The following TECR variants were observed in gnomAD, a reference collection of about 807,000 sequenced individuals.
The protein encoded by TECR is very-long-chain enoyl-CoA reductase.
TECR carries 19 observed loss-of-function variants against 50.6 expected under a neutral mutation model. That is an observed-to-expected ratio of 0.38 (90% confidence interval 0.26 to 0.55). TECR has a LOEUF of 0.55. TECR is among the 20% of genes least tolerant of loss of function. The pLI is 0.79. For synonymous variants in TECR, 168 were observed against 163.5 expected (o/e 1.03, Z -0.21); for missense variants, 313 against 408.3 (o/e 0.77, Z 2.01).
chr19:14,543,005 T>C (rs1359205459), intron 1 of TECR, among the ~76,000 whole-genome samples: 1 of 145,076 alleles, frequency 6.9e-6, no homozygotes, highest in Non-Finnish European at 1.5e-5. Context: ...TTTTTTTTTT[T>C]CCATTTGAAA....
At chr19:14,553,753 C>T (rs927549521) in intron 1 of TECR, among the ~76,000 whole-genome samples, 2 of 152,138 alleles carry the variant, frequency 1.3e-5, no homozygotes, top group African/African-American at 2.4e-5. Flanking sequence ...TGGGCATGAT[C>T]GGGCCAGGCC....
chr19:14,549,886 T>C (rs1409180505), intron 1 of TECR, among the ~76,000 whole-genome samples: 1 of 151,528 alleles, frequency 6.6e-6, no homozygotes, highest in Non-Finnish European at 1.5e-5. Flanking sequence ...GAGGTTGCAG[T>C]GAGCCGAGAT....
chr19:14,547,896 G>A (rs2146593745), intron 1 of TECR, among the ~76,000 whole-genome samples: 1 of 148,612 alleles, frequency 6.7e-6, no homozygotes, highest in East Asian at 2.0e-4. Flanking sequence ...CTTGGGTCTT[G>A]GACTCTGGGC....
intron 1 of TECR, among the ~76,000 whole-genome samples, chr19:14,538,185 G>C (rs1392916447): frequency 6.6e-6 from 1 of 152,232 alleles, no homozygotes; most frequent in South Asian, 2.1e-4. Context: ...GTGGCTAGCA[G>C]AGCTGGGATT....
intron 1 of TECR, among the ~76,000 whole-genome samples, chr19:14,545,510 G>T (rs114240054): frequency 6.6e-6 from 1 of 152,130 alleles, no homozygotes; most frequent in Non-Finnish European, 1.5e-5. Flanking sequence ...AGCCTAGGGG[G>T]TGGGGGGGAT....
chr19:14,563,256 C>G lies in TECR; in HGVS notation c.117C>G (p.Thr39=), dbSNP rs145931907. ...AGATCAAGAACCTCTTCACTAAGAC[C>G]CGTGAGTTCTAGTCCCGGCCACACT... ...IAEIKNLFTK[T]HPQWYPARQS... Residue 39 remains threonine (T), a splice_region_variant and synonymous_variant, in exon 3 of 13, where the codon ACC becomes ACG. Transcript: ENST00000215567. The surrounding 1 kb of genome is among the most constrained non-coding windows in gnomAD (Gnocchi z 5.3). 9.9e-6 allele frequency: 16 copies of G among 1,613,324 alleles called. No individual in the cohort carries two copies. The African/African-American group carries it at 1.5e-4, about 15-fold the overall frequency.
At position 14,563,022 on chromosome 19, in the gene TECR, T is replaced by C; in HGVS notation, c.67-184T>C. 1.5e-6 allele frequency: 1 copy of C among 685,018 alleles called. No individual in the cohort carries two copies. Among genetic ancestry groups the C allele is most frequent in the Non-Finnish European group, 2.5e-6 (1 of 405,396 alleles). The allele number at this position is 685,018 out of a possible 1,614,324, so 42.4% of individuals were successfully genotyped here. A position where few individuals can be genotyped will look rare whatever the true frequency, so the allele number is the denominator to read the frequency against. On this transcript the variant is annotated intron_variant, in intron 2 of 12. Coordinates refer to ENST00000215567, the MANE Select transcript of TECR (RefSeq NM_138501.6). The surrounding 1 kb of genome is among the most constrained non-coding windows in gnomAD (Gnocchi z 5.3). ...TAAAAGTGGAGCCCCAGACCCCTGC[T>C]GTCACTGCACTGGCAGGGCCCTCGG... is the stretch of plus-strand genomic sequence containing the variant.
intron 1 of TECR, among the ~76,000 whole-genome samples, chr19:14,535,580 ATATATATATG>A (rs1568396683): frequency 3.7e-4 from 14 of 38,216 alleles, no homozygotes; most frequent in South Asian, 3.1e-3. Flanking sequence ...ATATATATAT[ATATATATATG>A]TATGTATATA....
At chr19:14,552,333 C>G (rs1400227936) in intron 1 of TECR, among the ~76,000 whole-genome samples, 1 of 150,424 alleles carries the variant, frequency 6.6e-6, no homozygotes, top group Non-Finnish European at 1.5e-5. Context: ...CGTGCCCGGC[C>G]TGCCTTTTCC....
chr19:14,541,032 G>A (rs2073079428), intron 1 of TECR, among the ~76,000 whole-genome samples: 2 of 152,078 alleles, frequency 1.3e-5, no homozygotes, highest in Admixed American at 6.6e-5. Flanking sequence ...CACCATGTGG[G>A]CCAGGCTGAT....
chr19:14,565,889 G>A lies in TECR; in HGVS notation c.*18G>A. 1 of 1,572,678 alleles carries A rather than the reference G, an allele frequency of 6.4e-7. No individual in the cohort carries two copies. Among genetic ancestry groups the A allele is most frequent in the Non-Finnish European group, 8.6e-7 (1 of 1,161,578 alleles). The stretch of plus-strand genomic sequence containing the variant: ...TGCTCTGAGCGCTCACCCCTGCTGA[G>A]GCTCAGCCCCTCAACCCGGTGGCAT... On this transcript the variant is annotated 3_prime_UTR_variant, in exon 13 of 13. Coordinates refer to ENST00000215567, the MANE Select transcript of TECR (RefSeq NM_138501.6).
chr19:14,528,913 A>G (rs1019734899), upstream of TECR, among the ~76,000 whole-genome samples: 1 of 152,166 alleles, frequency 6.6e-6, no homozygotes, highest in Non-Finnish European at 1.5e-5. Flanking sequence ...ACTGCACTCC[A>G]GCTGGGGGAC....
At chr19:14,528,345 T>G (rs2072482452), upstream of TECR, among the ~76,000 whole-genome samples, 1 of 151,440 alleles carries the variant, frequency 6.6e-6, no homozygotes, top group African/African-American at 2.4e-5. Context: ...GTTCAAGCAA[T>G]TCTTCTGCCT....
Position 14,565,261 on chromosome 19 carries a change from C to T in TECR, c.724C>T (p.Leu242=). 3 of 1,613,794 alleles carry T rather than the reference C, an allele frequency of 1.9e-6. No individual in the cohort carries two copies. Among genetic ancestry groups the T allele is most frequent in the Non-Finnish European group, 2.5e-6 (3 of 1,179,986 alleles). The part of the protein sequence containing the change: ...TKNPFTWLFL[L]VSCPNYTYEV... ...GAACCCCTTCACGTGGCTCTTCCTG[C>T]TGGTGTCCTGCCCCAACTACACCTA... The change falls in exon 11 of 13, where the codon CTG becomes TTG. Residue 242 remains leucine, a synonymous_variant. Transcript: ENST00000215567.
At chr19:14,543,403 ATATATATATATATATATTTTTTTTTTT>A (rs1248345423) in intron 1 of TECR, among the ~76,000 whole-genome samples, 1 of 9,792 alleles carries the variant, frequency 1.0e-4, no homozygotes, top group Admixed American at 1.1e-3. Flanking sequence ...ATATATATAT[ATATATATATATATATATTTTTTTTTTT>A]TTTTTTTTTT....
At chr19:14,538,527 CT>C (rs1476269303) in intron 1 of TECR, among the ~76,000 whole-genome samples, 2 of 98,056 alleles carry the variant, frequency 2.0e-5, no homozygotes, top group Non-Finnish European at 2.0e-5. Flanking sequence ...CCTCAAAACT[CT>C]TTTTTTTCTT....
At position 14,564,288 on chromosome 19, in the gene TECR, G is replaced by A. The variant is rs1330606109; in HGVS notation, c.489+1G>A. ...TATGCCTTTGCGCAACATCTTCAAG[G>A]TGAGAGCCCGTCCCCGCCTCACCCC... On this transcript the variant is annotated splice_donor_variant, in intron 7 of 12. Coordinates refer to ENST00000215567, the MANE Select transcript of TECR (RefSeq NM_138501.6). LOFTEE classifies it high-confidence loss of function. 1 of 1,601,000 alleles carries A rather than the reference G, an allele frequency of 6.2e-7. No homozygotes were observed. Among genetic ancestry groups the A allele is most frequent in the Non-Finnish European group, 8.5e-7 (1 of 1,178,406 alleles).
chr19:14,557,116 T>TAATTAATTA lies in TECR; in HGVS notation c.16-5408_16-5407insATTAATTAA, dbSNP rs1568422129. On this transcript the variant is annotated intron_variant, in intron 1 of 12. Coordinates refer to ENST00000215567, the MANE Select transcript of TECR (RefSeq NM_138501.6). ...TGTTCTGCTAGTGTTGGTCTAATCT[T>TAATTAATTA]ATTTATTTATTTATTTATTTATTTA... is the stretch of plus-strand genomic sequence containing the variant. Among the ~76,000 whole-genome samples the TAATTAATTA allele has an allele frequency of 2.6e-3, 348 of 133,886 alleles. 3 individuals carry two copies. Among genetic ancestry groups the TAATTAATTA allele is most frequent in the African/African-American group, 9.8e-3 (334 of 33,994 alleles). The allele number at this position is 133,886 out of a possible 152,430, so 87.8% of individuals were successfully genotyped here.
chr19:14,528,903 A>C (rs1026955623), upstream of TECR, among the ~76,000 whole-genome samples: 1 of 152,138 alleles, frequency 6.6e-6, no homozygotes, highest in Non-Finnish European at 1.5e-5. Flanking sequence ...TCATTGCGCC[A>C]CTGCACTCCA....
Sources: gnomAD v4.1 joint callset for allele counts (sites outside exome capture counted in the v4.1 genomes callset) on GRCh38, gnomAD v4.1.1 for gene constraint, Gnocchi (gnomAD v3.1) non-coding constraint, MANE v1.5 for transcripts, NCBI Gene and HGNC (gene_info 2026-07-23, HGNC 2026-07-21) for gene names.